The following MAPK10 variants were observed in gnomAD, a reference collection of about 807,000 sequenced individuals.
MAPK10 encodes mitogen-activated protein kinase 10.
Under a neutral mutation model 59.3 loss-of-function variants are expected in MAPK10, and 25 were observed. The observed-to-expected ratio is 0.42, with a 90% confidence interval of 0.31 to 0.59. MAPK10 has a LOEUF of 0.59. Among genes scored for constraint, MAPK10 ranks in the 20% least tolerant of loss-of-function variants. The pLI is 0.15. For missense variants in MAPK10, 351 were observed against 568.9 expected, an observed-to-expected ratio of 0.62 and a Z score of 3.90; for synonymous variants, 190 against 200.5, an observed-to-expected ratio of 0.95 and a Z score of 0.44.
At chr4:86,467,919 T>C (rs780266213) in intron 1 of MAPK10, among the ~76,000 whole-genome samples, 5 of 152,168 alleles carry the variant, frequency 3.3e-5, no homozygotes, top group Non-Finnish European at 5.9e-5. Flanking sequence ...AGAAGACTCA[T>C]AGATGTGCCC....
intron 4 of MAPK10, among the ~76,000 whole-genome samples, chr4:86,118,460 C>T (rs1368253324): frequency 2.0e-5 from 3 of 152,088 alleles, no homozygotes; most frequent in Non-Finnish European, 4.4e-5. Flanking sequence ...CCACTTCTAC[C>T]AGGTTTATTC....
chr4:86,242,837 A>G (rs2092823152), intron 2 of MAPK10, among the ~76,000 whole-genome samples: 1 of 150,826 alleles, frequency 6.6e-6, no homozygotes, highest in Non-Finnish European at 1.5e-5. Flanking sequence ...TGCTTAGACA[A>G]CAGGCAGTGG....
At chr4:86,211,082 C>A (rs1401182731) in intron 2 of MAPK10, among the ~76,000 whole-genome samples, 2 of 151,714 alleles carry the variant, frequency 1.3e-5, no homozygotes, top group Non-Finnish European at 2.9e-5. Flanking sequence ...GAAGCCTAAG[C>A]AACCTGTGGA....
chr4:86,551,785 A>C (rs992994437), intron 1 of MAPK10, among the ~76,000 whole-genome samples: 3 of 152,088 alleles, frequency 2.0e-5, no homozygotes, highest in Admixed American at 2.0e-4. Context: ...TTGTATTTTT[A>C]GTAGAGACAA....
chr4:86,032,500 A>C (rs2039278863), intron 11 of MAPK10: 1 of 152,202 alleles, frequency 6.6e-6, no homozygotes, highest in African/African-American at 2.4e-5. Context: ...TTTGTGAAAA[A>C]CTAAAAGAGT....
chr4:86,206,710 A>G (rs964646384), intron 2 of MAPK10, among the ~76,000 whole-genome samples: 36 of 151,994 alleles, frequency 2.4e-4, no homozygotes, highest in East Asian at 1.9e-4. Context: ...AGCACCTGTC[A>G]TTTCCTGACT....
At chr4:86,434,295 A>T (rs1040639813) in intron 1 of MAPK10, among the ~76,000 whole-genome samples, 1 of 152,196 alleles carries the variant, frequency 6.6e-6, no homozygotes, top group Admixed American at 6.5e-5. Context: ...AAATGGACAA[A>T]TGGGATCACA....
intron 3 of MAPK10, among the ~76,000 whole-genome samples, chr4:86,168,845 G>A (rs1193563900): frequency 2.0e-5 from 3 of 152,024 alleles, no homozygotes; most frequent in South Asian, 2.1e-4. Flanking sequence ...TCACACGGCC[G>A]GGTACTCCTC....
chr4:86,529,361 C>G (rs1252747128), intron 1 of MAPK10, among the ~76,000 whole-genome samples: 3 of 152,138 alleles, frequency 2.0e-5, no homozygotes, highest in African/African-American at 7.2e-5. Context: ...AGTCTGCAGG[C>G]ATGTGAGGAC....
intron 2 of MAPK10, among the ~76,000 whole-genome samples, chr4:86,309,991 T>C (rs907513089): frequency 7.2e-5 from 11 of 152,204 alleles, no homozygotes; most frequent in Non-Finnish European, 1.5e-4. Context: ...TCTCCCATTC[T>C]ATTCAAAGTT....
At chr4:86,196,170 T>A (rs2081267608) in intron 2 of MAPK10, among the ~76,000 whole-genome samples, 1 of 152,230 alleles carries the variant, frequency 6.6e-6, no homozygotes, top group Non-Finnish European at 1.5e-5. Flanking sequence ...GTTGCACTAA[T>A]TTACACTCCC....
chr4:86,579,569 T>C (rs1456337633), intron 1 of MAPK10, among the ~76,000 whole-genome samples: 1 of 151,124 alleles, frequency 6.6e-6, no homozygotes, highest in African/African-American at 2.4e-5. Flanking sequence ...ATATTTCCCA[T>C]ATGCACTCTT....
chr4:86,529,518 GT>G (rs1279456894), intron 1 of MAPK10, among the ~76,000 whole-genome samples: 1 of 152,158 alleles, frequency 6.6e-6, no homozygotes, highest in Non-Finnish European at 1.5e-5. Context: ...ACTTCAGAAG[GT>G]CATACAGCCA....
rs544954029 is a variant in MAPK10 at position 86,524,470 on chromosome 4, C to A, written c.-263+69440G>T. On this transcript the variant is annotated intron_variant, in intron 1 of 4. Coordinates refer to the MAPK10 transcript ENST00000502302. Reference sequence around the variant, plus strand: ...CAGTGTGCCCTCAATTCAGTTCTTGCACATGTATTTGTCAGAAAGTTTCTT... The same window carrying A: ...CAGTGTGCCCTCAATTCAGTTCTTGAACATGTATTTGTCAGAAAGTTTCTT... 2.6e-5 allele frequency among the ~76,000 whole-genome samples: 4 copies of A among 152,284 alleles called. No individual in the cohort carries two copies. In the East Asian group the frequency reaches 5.8e-4, roughly 22 times the overall value.
chr4:86,044,913 G>C (rs2042223974), intron 11 of MAPK10, among the ~76,000 whole-genome samples: 1 of 152,018 alleles, frequency 6.6e-6, no homozygotes, highest in African/African-American at 2.4e-5. Flanking sequence ...TATCATACCA[G>C]GTAATTCAAC....
intron 11 of MAPK10, among the ~76,000 whole-genome samples, chr4:86,036,599 G>T (rs2148929549): frequency 6.6e-6 from 1 of 152,222 alleles, no homozygotes; most frequent in South Asian, 2.1e-4. Context: ...GCTAATTAAT[G>T]ATGAAACTTT....
intron 11 of MAPK10, among the ~76,000 whole-genome samples, chr4:86,040,378 TA>T (rs1287030652): frequency 6.6e-6 from 1 of 151,900 alleles, no homozygotes; most frequent in Non-Finnish European, 1.5e-5. Flanking sequence ...AAAAATGCAA[TA>T]GTAGGATTGA....
rs141827073 is a variant in MAPK10 at position 86,504,772 on chromosome 4, G to T, written c.-263+89138C>A. On this transcript the variant is annotated intron_variant, in intron 1 of 4. Transcript: ENST00000502302. ...ATCATCATTATCTACACCTGAGTGA[G>T]CATATGCCTAAGAGCTGGCAATAAG... Among the ~76,000 whole-genome samples the T allele has an allele frequency of 1.6e-3, 251 of 152,248 alleles. 2 individuals are homozygous for T. The highest frequency in any genetic ancestry group is 5.8e-3 in the African/African-American group (240 of 41,540).
intron 2 of MAPK10, among the ~76,000 whole-genome samples, chr4:86,195,398 AC>A (rs1284911461): frequency 6.6e-6 from 1 of 150,756 alleles, no homozygotes; most frequent in Non-Finnish European, 1.5e-5. Flanking sequence ...CATAAAATAC[AC>A]AAAACATCTT....
Sources: gnomAD v4.1 joint callset for allele counts (sites outside exome capture counted in the v4.1 genomes callset) on GRCh38, gnomAD v4.1.1 for gene constraint, MANE v1.5 for transcripts, NCBI Gene and HGNC (gene_info 2026-07-23, HGNC 2026-07-21) for gene names.